RIMS1: variants seen among roughly 807,000 people sequenced by gnomAD.
The protein encoded by RIMS1 is regulating synaptic membrane exocytosis protein 1.
Under a neutral mutation model 214.1 loss-of-function variants are expected in RIMS1, and 83 were observed. That is an observed-to-expected ratio of 0.39 (90% CI 0.32 to 0.47). The LOEUF is 0.47. Among genes scored for constraint, RIMS1 ranks in the 20% least tolerant of loss-of-function variants. The pLI, the probability that RIMS1 is intolerant of heterozygous loss-of-function variation, is 0.99. For synonymous variants in RIMS1, 793 were observed against 786.8 expected, an observed-to-expected ratio of 1.01 and a Z score of -0.13; for missense variants, 2,050 against 2,161.8, an observed-to-expected ratio of 0.95 and a Z score of 1.03.
chr6:72,232,962 G>A (rs567157786), intron 6 of RIMS1, among the ~76,000 whole-genome samples: 1 of 151,728 alleles, frequency 6.6e-6, no homozygotes, highest in Non-Finnish European at 1.5e-5. Context: ...TCTATGCAGA[G>A]AAAAATTTTA....
chr6:72,180,090 G>A (rs1408692955), intron 5 of RIMS1, among the ~76,000 whole-genome samples, 175 bp downstream of exon 5: 5 of 152,198 alleles, frequency 3.3e-5, no homozygotes, highest in Admixed American at 3.3e-4. Context: ...TATTCCTTAG[G>A]AGACCTTTGT....
intron 30 of RIMS1, among the ~76,000 whole-genome samples, chr6:72,392,392 C>T (rs1012439664): frequency 2.6e-5 from 4 of 152,034 alleles, no homozygotes; most frequent in African/African-American, 7.2e-5. Flanking sequence ...TATAAAAATT[C>T]GCATCTTATG....
In RIMS1 at chr6:72,212,320, A is replaced by T. The variant is rs190369817; in HGVS notation, c.1679-21453A>T. 4.6e-5 allele frequency among the ~76,000 whole-genome samples: 7 copies of T among 150,880 alleles called. No homozygotes were observed. The East Asian group carries it at 1.4e-3, about 29-fold the overall frequency. On this transcript the variant is annotated intron_variant, in intron 6 of 33. Transcript: ENST00000521978. ...AGCATGTCACATATAATAGGAATCT[A>T]TATATAATATATAATATATTCACAT...
rs547537958 is a variant in RIMS1, at chr6:72,114,035, T to G, written c.471+14049T>G. 5.3e-5 allele frequency among the ~76,000 whole-genome samples: 8 copies of G among 152,190 alleles called. No homozygotes were observed. The South Asian group carries it at 1.7e-3, about 32-fold the overall frequency. On this transcript the variant is annotated intron_variant, in intron 4 of 33. Transcript: ENST00000521978. The stretch of plus-strand genomic sequence containing the variant: ...TCAAATGAACATTAAGTAATTATTC[T>G]TTAATGCATCTCAAAGTTATTTTAA...
At chr6:72,101,464 G>A (rs1279781920) in intron 4 of RIMS1, among the ~76,000 whole-genome samples, 1 of 151,888 alleles carries the variant, frequency 6.6e-6, no homozygotes, top group Non-Finnish European at 1.5e-5. Flanking sequence ...GCCACATTTT[G>A]TCTTAGCCAT....
At chr6:72,332,838 TG>T (rs1268664936) in intron 28 of RIMS1, among the ~76,000 whole-genome samples, 1 of 151,718 alleles carries the variant, frequency 6.6e-6, no homozygotes, top group Non-Finnish European at 1.5e-5. Context: ...ATATATTCTT[TG>T]GGGAGAGAAG....
intron 2 of RIMS1, among the ~76,000 whole-genome samples, chr6:72,023,079 T>G: frequency 6.6e-6 from 1 of 152,124 alleles, no homozygotes; most frequent in African/African-American, 2.4e-5. Flanking sequence ...CTGTTTGGAG[T>G]GATTTTTGAA....
intron 6 of RIMS1, among the ~76,000 whole-genome samples, chr6:72,229,148 C>G (rs369549447): frequency 9.9e-5 from 15 of 151,722 alleles, no homozygotes; most frequent in East Asian, 7.7e-4. Context: ...AGGCCTCTAG[C>G]CCTGCTTTGG....
At chr6:71,939,251 TG>T (rs1353522399) in intron 1 of RIMS1, among the ~76,000 whole-genome samples, 1 of 152,228 alleles carries the variant, frequency 6.6e-6, no homozygotes, top group Non-Finnish European at 1.5e-5. Flanking sequence ...ATCAACATTC[TG>T]ATCACTCAAG....
At chr6:72,007,372 G>C (rs900404604) in intron 2 of RIMS1, among the ~76,000 whole-genome samples, 1 of 152,134 alleles carries the variant, frequency 6.6e-6, no homozygotes, top group Admixed American at 6.5e-5. Context: ...CAAAGATGGG[G>C]AAAAAACAGA....
At chr6:72,140,646 A>G (rs1389715857) in intron 4 of RIMS1, among the ~76,000 whole-genome samples, 1 of 152,074 alleles carries the variant, frequency 6.6e-6, no homozygotes, top group Non-Finnish European at 1.5e-5. Context: ...AAGAAAGCAG[A>G]GCCCTGTTAT....
intron 28 of RIMS1, among the ~76,000 whole-genome samples, chr6:72,329,402 T>A (rs1401081736): frequency 6.6e-6 from 1 of 151,770 alleles, no homozygotes; most frequent in Non-Finnish European, 1.5e-5. Context: ...CATATAGTTA[T>A]TGGGGAAAAT....
intron 6 of RIMS1, among the ~76,000 whole-genome samples, chr6:72,192,426 G>C (rs756618986): frequency 6.6e-6 from 1 of 152,176 alleles, no homozygotes; most frequent in Non-Finnish European, 1.5e-5. Flanking sequence ...AGAGCCCCCA[G>C]CTTTCCCTTC....
At chr6:72,340,714 C>T (rs1381901721) in intron 29 of RIMS1, among the ~76,000 whole-genome samples, 1 of 151,966 alleles carries the variant, frequency 6.6e-6, no homozygotes, top group Non-Finnish European at 1.5e-5. Context: ...AGTCAGGTAG[C>T]ATGATGCCTC....
At chr6:71,909,818 TA>T (rs1438921651) in intron 1 of RIMS1, among the ~76,000 whole-genome samples, 2 of 152,152 alleles carry the variant, frequency 1.3e-5, no homozygotes, top group Non-Finnish European at 2.9e-5. Flanking sequence ...AAATTTAAAG[TA>T]GACTCTGCCT....
intron 2 of RIMS1, among the ~76,000 whole-genome samples, chr6:72,094,356 G>C (rs1337828957): frequency 6.6e-6 from 1 of 152,102 alleles, no homozygotes; most frequent in Non-Finnish European, 1.5e-5. Flanking sequence ...GATTGCAATA[G>C]AGTAAGGTTT....
chr6:72,297,858 C>T (rs2094248448), intron 26 of RIMS1, among the ~76,000 whole-genome samples: 1 of 151,876 alleles, frequency 6.6e-6, no homozygotes, highest in Admixed American at 6.6e-5. Flanking sequence ...CTCACGTAAC[C>T]CAAAAGAAAG....
At chr6:71,986,372 T>C (rs961249529) in intron 2 of RIMS1, among the ~76,000 whole-genome samples, 1 of 152,126 alleles carries the variant, frequency 6.6e-6, no homozygotes, top group African/African-American at 2.4e-5. Context: ...TTCTAAATAT[T>C]TCTGGTGGAC....
intron 30 of RIMS1, among the ~76,000 whole-genome samples, chr6:72,391,373 T>C (rs1249146145): frequency 6.6e-6 from 1 of 151,148 alleles, no homozygotes; most frequent in Non-Finnish European, 1.5e-5. Context: ...TTTTTTACCA[T>C]TTCATATGGA....
Sources: allele counts gnomAD v4.1 joint callset (sites outside exome capture counted in the v4.1 genomes callset), GRCh38; gene constraint gnomAD v4.1.1; transcripts MANE v1.5; gene names NCBI Gene and HGNC (gene_info 2026-07-23, HGNC 2026-07-21).